ANK3: variants seen among roughly 807,000 people sequenced by gnomAD.
The protein encoded by ANK3 is ankyrin-3.
In ANK3, 57 loss-of-function variants were observed where a neutral mutation model predicts 370.9. The observed-to-expected ratio is 0.15, with a 90% confidence interval of 0.12 to 0.19. ANK3 has a LOEUF of 0.19. ANK3 is among the 10% of genes least tolerant of loss of function. ANK3 has a pLI of 1.00. For missense variants in ANK3, 4,439 were observed against 5,302.1 expected (o/e 0.84, Z 5.06); for synonymous variants, 1,929 against 1,946.3 (o/e 0.99, Z 0.23).
chr10:60,345,018 T>A (rs4582919), intron 1 of ANK3, among the ~76,000 whole-genome samples: 1 of 151,952 alleles, frequency 6.6e-6, no homozygotes, highest in African/African-American at 2.4e-5. Context: ...ATGGGTTTGC[T>A]AGTAAATGTC....
At chr10:60,241,319 A>C (rs2097454104) in intron 7 of ANK3, among the ~76,000 whole-genome samples, 1 of 152,240 alleles carries the variant, frequency 6.6e-6, no homozygotes, top group South Asian at 2.1e-4. Flanking sequence ...TAGTTCAAAC[A>C]AAAAAGTAAA....
At position 60,076,086 on chromosome 10, in the gene ANK3, G is replaced by A; in HGVS notation, c.4795C>T (p.Leu1599=). The part of the protein sequence containing the change: ...PYNIQVSSGT[L]ARAPAVTEAT... Reference sequence around the variant, plus strand: ...TCCGTGACTGCTGGAGCTCTAGCCAGGGTACCAGAGGAAACTTGGATATTG... The same window carrying A: ...TCCGTGACTGCTGGAGCTCTAGCCAAGGTACCAGAGGAAACTTGGATATTG... The change falls in exon 37 of 44, where the codon CTG becomes TTG. Residue 1599 remains leucine, a synonymous_variant. Coordinates refer to ENST00000280772, the MANE Select transcript of ANK3 (RefSeq NM_020987.5). The A allele has an allele frequency of 6.2e-7, 1 of 1,614,190 alleles. No homozygotes were observed. The highest frequency in any genetic ancestry group is 8.5e-7 in the Non-Finnish European group (1 of 1,180,010).
chr10:60,592,524 C>T (rs2077930534), intron 2 of ANK3, among the ~76,000 whole-genome samples: 1 of 152,148 alleles, frequency 6.6e-6, no homozygotes, highest in Non-Finnish European at 1.5e-5. Flanking sequence ...CTTTGGGAGG[C>T]CAAGGCGGGT....
At chr10:60,397,123 T>A (rs971398468) in intron 2 of ANK3, among the ~76,000 whole-genome samples, 7 of 151,276 alleles carry the variant, frequency 4.6e-5, no homozygotes, top group African/African-American at 9.7e-5. Flanking sequence ...GCAGCACATA[T>A]AAGAAAGCAA....
Position 60,042,666 on chromosome 10 carries a change from C to A in ANK3, c.*19+6G>T, listed in dbSNP as rs1157798761. The A allele has an allele frequency of 5.0e-6, 8 of 1,612,998 alleles. No homozygotes were observed. Among genetic ancestry groups the A allele is most frequent in the Middle Eastern group, 3.3e-4 (2 of 6,082 alleles). ...TCCTACTGTTGTTGATATGAACACA[C>A]CTCACCTTGACTGACCGTTCGCTGT... On this transcript the variant is annotated splice_donor_region_variant and intron_variant, in intron 43 of 43. Transcript: ENST00000280772.
chr10:60,511,419 T>C (rs1414275007), intron 2 of ANK3, among the ~76,000 whole-genome samples: 1 of 152,112 alleles, frequency 6.6e-6, no homozygotes, highest in African/African-American at 2.4e-5. Flanking sequence ...TCTACAAGAT[T>C]AAAAAGTAAC....
intron 1 of ANK3, among the ~76,000 whole-genome samples, chr10:60,321,929 T>G (rs1299470991): frequency 6.6e-6 from 1 of 152,192 alleles, no homozygotes; most frequent in African/African-American, 2.4e-5. Context: ...ACAGAACTCT[T>G]GCGGTGGGGG....
chr10:60,196,113 T>C, intron 16 of ANK3, 32 bp downstream of exon 16: 3 of 1,581,408 alleles, frequency 1.9e-6, no homozygotes, highest in Non-Finnish European at 2.6e-6. Context: ...ACCTTACCCA[T>C]CAGTCTCCTT....
In ANK3 at chr10:60,305,311, G is replaced by T. The variant is rs1250169499; in HGVS notation, c.115-25672C>A. 3.3e-5 allele frequency among the ~76,000 whole-genome samples: 5 copies of T among 151,450 alleles called. No individual in the cohort carries two copies. The East Asian group carries it at 9.8e-4, about 30-fold the overall frequency. ...TGAGGGCCAGGAGTCCAGGCCTGGG[G>T]GTCTGTCCCTCAGATCTTGTAGGCA... On this transcript the variant is annotated intron_variant, in intron 1 of 43. Transcript: ENST00000280772.
chr10:60,418,467 A>C (rs1051990022), intron 2 of ANK3, among the ~76,000 whole-genome samples: 3 of 152,098 alleles, frequency 2.0e-5, no homozygotes, highest in African/African-American at 7.2e-5. Context: ...TGCATTATTC[A>C]TATTTCCTCT....
intron 25 of ANK3, among the ~76,000 whole-genome samples, chr10:60,128,076 A>C (rs2093862687): frequency 6.6e-6 from 1 of 152,236 alleles, no homozygotes; most frequent in East Asian, 1.9e-4. Context: ...AGACTTTATT[A>C]GGATTAGAAA....
At chr10:60,031,668 GC>G (rs1454112143) in intron 43 of ANK3, among the ~76,000 whole-genome samples, 1 of 152,078 alleles carries the variant, frequency 6.6e-6, no homozygotes, top group East Asian at 1.9e-4. Context: ...TTCTCTTGGG[GC>G]CCAGGAGTTC....
At chr10:60,609,773 A>G (rs1258088502) in intron 2 of ANK3, among the ~76,000 whole-genome samples, 2 of 152,220 alleles carry the variant, frequency 1.3e-5, no homozygotes, top group Non-Finnish European at 2.9e-5. Context: ...ACACATTTAT[A>G]CTGGATGATC....
chr10:60,318,103 G>A (rs1053688901), intron 1 of ANK3, among the ~76,000 whole-genome samples: 16 of 152,046 alleles, frequency 1.1e-4, no homozygotes, highest in African/African-American at 3.6e-4. Context: ...TTCATAATTT[G>A]TAAAATTTTA....
chr10:60,212,771 T>A (rs1382396104), intron 9 of ANK3, among the ~76,000 whole-genome samples: 1 of 152,156 alleles, frequency 6.6e-6, no homozygotes, highest in Non-Finnish European at 1.5e-5. Context: ...AAATCACTGG[T>A]TTAATTAATA....
At chr10:60,626,089 G>A (rs2078406477) in intron 1 of ANK3, among the ~76,000 whole-genome samples, 1 of 152,124 alleles carries the variant, frequency 6.6e-6, no homozygotes, top group African/African-American at 2.4e-5. Flanking sequence ...ATCCTCTGGA[G>A]CCCTTCTCAG....
At chr10:60,464,984 C>T (rs1020038417) in intron 2 of ANK3, among the ~76,000 whole-genome samples, 1 of 152,110 alleles carries the variant, frequency 6.6e-6, no homozygotes, top group Non-Finnish European at 1.5e-5. Flanking sequence ...GAAGTTCCTG[C>T]TCCAAGCACA....
At chr10:60,477,308 T>C (rs2075092608) in intron 2 of ANK3, among the ~76,000 whole-genome samples, 1 of 152,074 alleles carries the variant, frequency 6.6e-6, no homozygotes, top group Non-Finnish European at 1.5e-5. Context: ...ATCATCATTC[T>C]CAACTGGAAC....
intron 23 of ANK3, among the ~76,000 whole-genome samples, chr10:60,156,062 T>G (rs1352583825): frequency 6.6e-6 from 1 of 152,192 alleles, no homozygotes; most frequent in East Asian, 1.9e-4. Context: ...ATCTATCCTA[T>G]TAGTTCTGTC....
Sources: gnomAD v4.1 joint callset for allele counts (sites outside exome capture counted in the v4.1 genomes callset) on GRCh38, gnomAD v4.1.1 for gene constraint, MANE v1.5 for transcripts, NCBI Gene and HGNC (gene_info 2026-07-23, HGNC 2026-07-21) for gene names.